The following DMD variants were observed in gnomAD, a reference collection of about 807,000 sequenced individuals.
DMD encodes the protein mutant dystrophin.
A neutral mutation model predicts 330.1 loss-of-function variants in DMD; 63 were observed. The observed-to-expected ratio is 0.19, with a 90% CI of 0.16 to 0.24. The LOEUF (loss-of-function observed/expected upper bound fraction) is 0.24, where lower values mean the gene tolerates loss of function less well. DMD is among the 10% of genes least tolerant of loss of function. DMD has a pLI of 1.00. For missense variants in DMD, 3,344 were observed against 2,684.1 expected, an observed-to-expected ratio of 1.25 and a Z score of -5.43; for synonymous variants, 1,223 against 959.8, an observed-to-expected ratio of 1.27 and a Z score of -5.07.
At chrX:32,524,843 G>A (rs948942836) in intron 17 of DMD, among the ~76,000 whole-genome samples, 25 of 112,480 alleles carry the variant, frequency 2.2e-4, no homozygotes, top group African/African-American at 7.8e-4. Context: ...TACAAAGATC[G>A]TATGGAGAGT....
At chrX:32,423,459 T>A (rs1307813593) in intron 29 of DMD, among the ~76,000 whole-genome samples, 1 of 110,597 alleles carries the variant, frequency 9.0e-6, no homozygotes, top group Non-Finnish European at 1.9e-5. Context: ...ATTATATGTA[T>A]ACATATGTGC....
intron 48 of DMD, among the ~76,000 whole-genome samples, chrX:31,867,969 T>G (rs1353644448): frequency 1.8e-5 from 2 of 111,733 alleles, no homozygotes; most frequent in East Asian, 5.6e-4. Flanking sequence ...CTTCCCTGAG[T>G]GCTCTTACAA....
chrX:32,976,972 T>C (rs750829404), intron 2 of DMD, among the ~76,000 whole-genome samples: 5 of 110,786 alleles, frequency 4.5e-5, no homozygotes, highest in Non-Finnish European at 9.4e-5. Flanking sequence ...ACCTATACGG[T>C]ACATAGAAGA....
At chrX:32,505,224 G>A (rs912545780) in intron 18 of DMD, among the ~76,000 whole-genome samples, 1 of 111,617 alleles carries the variant, frequency 9.0e-6, no homozygotes, top group African/African-American at 3.3e-5. Context: ...CCAAAAGAAC[G>A]AAAAGAAAAG....
chrX:32,405,174 A>G (rs1733659216), intron 30 of DMD, among the ~76,000 whole-genome samples: 1 of 111,837 alleles, frequency 8.9e-6, no homozygotes, highest in Admixed American at 9.5e-5. Context: ...ATGAATAAAA[A>G]AGTTTCCAAA....
At chrX:31,612,252 A>G (rs1280493104) in intron 55 of DMD, among the ~76,000 whole-genome samples, 1 of 111,674 alleles carries the variant, frequency 9.0e-6, no homozygotes, top group Non-Finnish European at 1.9e-5. Context: ...TGTCTGGTTT[A>G]TTTCACTTAG....
chrX:32,688,345 A>G (rs1044377645), intron 9 of DMD, among the ~76,000 whole-genome samples: 3 of 112,512 alleles, frequency 2.7e-5, no homozygotes, highest in African/African-American at 9.7e-5. Context: ...GTAAAATTAT[A>G]TATCATCTCT....
chrX:33,310,567 A>G (rs1042344096), intron 1 of DMD, among the ~76,000 whole-genome samples: 29 of 111,318 alleles, frequency 2.6e-4, no homozygotes, highest in African/African-American at 9.4e-4. Context: ...TTGGATTACA[A>G]TATAGAGAAT....
At chrX:32,464,469 A>G in intron 24 of DMD, 117 bp downstream of exon 24, 1 of 551,382 alleles carries the variant, frequency 1.8e-6, no homozygotes, top group Non-Finnish European at 3.1e-6. Context: ...TAGAAACATT[A>G]AAAAAAATCC....
chrX:31,772,568 T>C (rs1213647796), intron 51 of DMD, among the ~76,000 whole-genome samples: 2 of 111,712 alleles, frequency 1.8e-5, no homozygotes, highest in Non-Finnish European at 3.8e-5. Flanking sequence ...AATCACTAAA[T>C]AGTAACTGCA....
At chrX:31,204,619 G>A (rs912864767) in intron 66 of DMD, among the ~76,000 whole-genome samples, 1 of 111,445 alleles carries the variant, frequency 9.0e-6, no homozygotes, top group Non-Finnish European at 1.9e-5. Flanking sequence ...TGCATAGTTT[G>A]TTGTTGTTGT....
chrX:32,463,639 C>T, intron 24 of DMD, 45 bp from the exon 25 acceptor site: 3 of 1,040,957 alleles, frequency 2.9e-6, no homozygotes, highest in Non-Finnish European at 3.8e-6. Flanking sequence ...AAATTACTGC[C>T]ACATATTAGA....
rs751661009 is a variant in DMD, at chrX:31,364,545, G to A, written c.9085-15911C>T. On this transcript the variant is annotated intron_variant, in intron 60 of 78. Coordinates refer to ENST00000357033, the MANE Select transcript of DMD (RefSeq NM_004006.3). ...CCAGCCTAATATACTTTATAATAAA[G>A]GGGAAACTACAGAAACATTTAAGAA... 8.0e-5 allele frequency among the ~76,000 whole-genome samples: 9 copies of A among 112,023 alleles called. No individual in the cohort carries two copies. In the South Asian group the frequency reaches 3.4e-3, roughly 42 times the overall value.
chrX:31,655,995 C>A (rs759175878), intron 54 of DMD, among the ~76,000 whole-genome samples: 2 of 111,836 alleles, frequency 1.8e-5, no homozygotes, highest in East Asian at 2.8e-4. Flanking sequence ...ACATTAACAT[C>A]GAAAGAAAGC....
intron 55 of DMD, among the ~76,000 whole-genome samples, chrX:31,520,114 G>A (rs912477487): frequency 2.7e-5 from 3 of 112,545 alleles, no homozygotes; most frequent in Middle Eastern, 4.6e-3. Context: ...GGAAAAAAAT[G>A]TCATAAAGGA....
At chrX:32,627,376 GAAATTACAAATAAAA>G (rs1285749713) in intron 11 of DMD, among the ~76,000 whole-genome samples, 1 of 104,262 alleles carries the variant, frequency 9.6e-6, no homozygotes, top group Non-Finnish European at 1.9e-5. Flanking sequence ...TGTACCCCCA[GAAATTACAAATAAAA>G]AAGAAGACTT....
chrX:31,766,796 A>C (rs916306696), intron 51 of DMD, among the ~76,000 whole-genome samples: 1 of 111,401 alleles, frequency 9.0e-6, no homozygotes, highest in Non-Finnish European at 1.9e-5. Context: ...TTATAAGTTT[A>C]TGTAGTTTCT....
intron 44 of DMD, among the ~76,000 whole-genome samples, chrX:32,054,122 AG>A (rs1712611118): frequency 9.5e-6 from 1 of 105,453 alleles, no homozygotes. Context: ...AGAGAGAGAG[AG>A]AGAGAGAGAG....
intron 9 of DMD, among the ~76,000 whole-genome samples, chrX:32,690,453 T>C (rs994671989): frequency 2.6e-4 from 29 of 111,673 alleles, no homozygotes; most frequent in Non-Finnish European, 3.8e-4. Context: ...ATAATCTTTA[T>C]CAAAATTCCA....
Sources: gnomAD v4.1 joint callset for allele counts (sites outside exome capture counted in the v4.1 genomes callset) on GRCh38, gnomAD v4.1.1 for gene constraint, MANE v1.5 for transcripts, NCBI Gene and HGNC (gene_info 2026-07-23, HGNC 2026-07-21) for gene names.